Variants in FHIT observed in about 807,000 individuals in gnomAD.
The protein encoded by FHIT is fragile histidine triad diadenosine triphosphatase, also known as bis(5'-adenosyl)-triphosphatase.
A neutral mutation model predicts 17.9 loss-of-function variants in FHIT; 19 were observed. That is an observed-to-expected ratio of 1.06 (90% CI 0.74 to 1.56). The LOEUF (loss-of-function observed/expected upper bound fraction) is 1.56. Ranked by LOEUF, FHIT falls within the 40% of genes most tolerant of loss-of-function variation. The pLI, the probability that FHIT is intolerant of heterozygous loss-of-function variation, is 0.00. For missense variants in FHIT, 248 were observed against 189.2 expected (o/e 1.31, Z -1.82); for synonymous variants, 81 against 69.7 (o/e 1.16, Z -0.81).
rs184813110 is a variant in FHIT, at chr3:60,637,302, C to T, written c.-17-100323G>A. Among the ~76,000 whole-genome samples, 1,202 of 152,206 alleles carry T rather than the reference C, an allele frequency of 7.9e-3. 10 individuals are homozygous for T. Among genetic ancestry groups the T allele is most frequent in the Non-Finnish European group, 0.013 (878 of 68,006 alleles). On this transcript the variant is annotated intron_variant, in intron 4 of 9. Coordinates refer to ENST00000492590, the MANE Select transcript of FHIT (RefSeq NM_002012.4). Reference sequence around the variant, plus strand: ...AGTTAGAGAATTACCTAAGTAAATGCTTTTTGATCAAAAATAATTTATATT... The same window carrying T: ...AGTTAGAGAATTACCTAAGTAAATGTTTTTTGATCAAAAATAATTTATATT...
rs181296827 is a variant in FHIT, at chr3:60,194,335, G to C, written c.104-180183C>G. 2.6e-4 allele frequency among the ~76,000 whole-genome samples: 39 copies of C among 152,204 alleles called. No homozygotes were observed. The East Asian group carries it at 7.5e-3, about 29-fold the overall frequency. Reference sequence around the variant, plus strand: ...AAAGCATTAAAAAACATAAACTGGGGAAAGGACACTCTATTTAATAAATGG... The same window carrying C: ...AAAGCATTAAAAAACATAAACTGGGCAAAGGACACTCTATTTAATAAATGG... On this transcript the variant is annotated intron_variant, in intron 5 of 9. Coordinates refer to ENST00000492590, the MANE Select transcript of FHIT (RefSeq NM_002012.4).
At chr3:60,433,304 C>T (rs1488650119) in intron 5 of FHIT, among the ~76,000 whole-genome samples, 1 of 151,796 alleles carries the variant, frequency 6.6e-6, no homozygotes, top group African/African-American at 2.4e-5. Context: ...ATCACATTTT[C>T]TTTATATATC....
At chr3:61,049,617 C>T (rs1439504003) in intron 2 of FHIT, among the ~76,000 whole-genome samples, 1 of 152,100 alleles carries the variant, frequency 6.6e-6, no homozygotes, top group East Asian at 1.9e-4. Context: ...ATAGGACATA[C>T]ATAGCACCAT....
intron 5 of FHIT, among the ~76,000 whole-genome samples, chr3:60,133,617 G>A (rs1699688327): frequency 6.6e-6 from 1 of 152,072 alleles, no homozygotes; most frequent in East Asian, 1.9e-4. Context: ...GAGAGTGTGG[G>A]GACCAGGGGG....
intron 5 of FHIT, among the ~76,000 whole-genome samples, chr3:60,361,749 C>A (rs1699914691): frequency 6.6e-6 from 1 of 152,108 alleles, no homozygotes; most frequent in Non-Finnish European, 1.5e-5. Context: ...AGAACTTAGA[C>A]CATTTGAAAT....
At chr3:61,160,869 G>A (rs908580513) in intron 2 of FHIT, among the ~76,000 whole-genome samples, 1 of 152,182 alleles carries the variant, frequency 6.6e-6, no homozygotes, top group African/African-American at 2.4e-5. Context: ...TTGCTTGAAA[G>A]ATTGGTAATC....
At chr3:60,424,515 A>G (rs1702592030) in intron 5 of FHIT, among the ~76,000 whole-genome samples, 1 of 152,108 alleles carries the variant, frequency 6.6e-6, no homozygotes, top group South Asian at 2.1e-4. Flanking sequence ...TACATCCTAA[A>G]GCTTTGGTTT....
chr3:60,147,162 T>A (rs1419652633), intron 5 of FHIT, among the ~76,000 whole-genome samples: 13 of 152,014 alleles, frequency 8.6e-5, no homozygotes. Flanking sequence ...CACAAAAGGG[T>A]ATTAATGAAT....
chr3:60,440,696 A>G (rs1186147250), intron 5 of FHIT, among the ~76,000 whole-genome samples: 2 of 152,096 alleles, frequency 1.3e-5, no homozygotes. Context: ...TAAAATTTAT[A>G]TAAATCCAAA....
At position 60,418,374 on chromosome 3, in the gene FHIT, G is replaced by GTA. The variant is rs1559897091; in HGVS notation, c.103+118485_103+118486insTA. Among the ~76,000 whole-genome samples the GTA allele has an allele frequency of 2.5e-3, 6 of 2,366 alleles. 1 individual carries two copies. The highest frequency in any genetic ancestry group is 0.14 in the South Asian group (2 of 14). The allele number at this position is 2,366 out of a possible 152,430, so 1.6% of individuals were successfully genotyped here. ...AACCTATATATATGTATCTGAATGT[G>GTA]TGTATATATATATATATATATATAT... On this transcript the variant is annotated intron_variant, in intron 5 of 9. Coordinates refer to ENST00000492590, the MANE Select transcript of FHIT (RefSeq NM_002012.4).
chr3:60,027,884 C>T (rs1304130668), intron 5 of FHIT, among the ~76,000 whole-genome samples: 4 of 152,134 alleles, frequency 2.6e-5, no homozygotes, highest in African/African-American at 9.7e-5. Context: ...AATATAGTAG[C>T]CACTAGCCAT....
At chr3:60,375,333 C>T (rs1411499982) in intron 5 of FHIT, among the ~76,000 whole-genome samples, 2 of 151,274 alleles carry the variant, frequency 1.3e-5, no homozygotes, top group African/African-American at 2.4e-5. Flanking sequence ...CTTTGGAAGG[C>T]TGAGGTGGGA....
chr3:59,832,647 G>A (rs1701205058), intron 8 of FHIT, among the ~76,000 whole-genome samples: 1 of 152,024 alleles, frequency 6.6e-6, no homozygotes, highest in African/African-American at 2.4e-5. Context: ...ATAGAGCCAA[G>A]AAGAAGTGCT....
chr3:61,048,370 T>G (rs945131062), intron 2 of FHIT, among the ~76,000 whole-genome samples: 3 of 152,152 alleles, frequency 2.0e-5, no homozygotes, highest in Non-Finnish European at 4.4e-5. Flanking sequence ...AACAGACACA[T>G]GAAAAAATGC....
intron 8 of FHIT, among the ~76,000 whole-genome samples, chr3:59,862,395 A>T (rs1702446357): frequency 6.6e-6 from 1 of 152,188 alleles, no homozygotes; most frequent in South Asian, 2.1e-4. Context: ...ACAATTTGAG[A>T]TGAGATTTGG....
At chr3:60,049,674 C>A (rs939240205) in intron 5 of FHIT, among the ~76,000 whole-genome samples, 1 of 152,010 alleles carries the variant, frequency 6.6e-6, no homozygotes, top group African/African-American at 2.4e-5. Flanking sequence ...AACATGATCA[C>A]CTAATTCTTT....
intron 4 of FHIT, among the ~76,000 whole-genome samples, chr3:60,634,699 G>A (rs1240715612): frequency 6.6e-6 from 1 of 152,212 alleles, no homozygotes; most frequent in Non-Finnish European, 1.5e-5. Flanking sequence ...TGTGATAAAT[G>A]AGAAAGAGGA....
At chr3:59,934,653 C>A (rs139697153) in intron 7 of FHIT, among the ~76,000 whole-genome samples, 49 of 152,260 alleles carry the variant, frequency 3.2e-4, no homozygotes, top group African/African-American at 1.1e-3. Flanking sequence ...CACAGTTCCA[C>A]CTGGCTAGGG....
intron 3 of FHIT, among the ~76,000 whole-genome samples, chr3:60,880,727 AT>A (rs1311501869): frequency 1.4e-5 from 2 of 140,046 alleles, no homozygotes; most frequent in African/African-American, 2.5e-5. Context: ...AGTGAAACTC[AT>A]CTCAAAAACA....
Sources: allele counts gnomAD v4.1 joint callset (sites outside exome capture counted in the v4.1 genomes callset), GRCh38; gene constraint gnomAD v4.1.1; transcripts MANE v1.5; gene names NCBI Gene and HGNC (gene_info 2026-07-23, HGNC 2026-07-21).